OTOP3: variants seen among roughly 807,000 people sequenced by gnomAD.
The protein encoded by OTOP3 is otopetrin 3.
Under a neutral mutation model 50.8 loss-of-function variants are expected in OTOP3, and 41 were observed. That is an observed-to-expected ratio of 0.81 (90% CI 0.63 to 1.05). The LOEUF is 1.05. OTOP3 is among the 50% of genes least tolerant of loss of function. The probability of loss-of-function intolerance (pLI) is 0.00; values close to 1 mark genes in which losing one functional copy is unlikely to be tolerated. For synonymous variants in OTOP3, 320 were observed against 324.4 expected, an observed-to-expected ratio of 0.99 and a Z score of 0.14; for missense variants, 788 against 760.8, an observed-to-expected ratio of 1.04 and a Z score of -0.42.
Position 74,949,480 on chromosome 17 carries a change from T to C in OTOP3, c.*64T>C. Reference sequence around the variant, plus strand: ...GGGGAAGATGGTAGCCCAGAGTCTCTGAGCAGATGCCTCATTCTGAGGTGC... The same window carrying C: ...GGGGAAGATGGTAGCCCAGAGTCTCCGAGCAGATGCCTCATTCTGAGGTGC... On this transcript the variant is annotated 3_prime_UTR_variant, in exon 7 of 7. Transcript: ENST00000328801. The C allele has an allele frequency of 2.0e-5, 32 of 1,563,034 alleles. No individual in the cohort carries two copies. The highest frequency in any genetic ancestry group is 2.8e-5 in the Non-Finnish European group (32 of 1,149,910).
intron 5 of OTOP3, 132 bp from the exon 6 acceptor site, chr17:74,946,529 A>C (rs1037336335): frequency 1.5e-5 from 11 of 721,688 alleles, no homozygotes; most frequent in Non-Finnish European, 2.4e-5. Flanking sequence ...CAGTTTCCAC[A>C]TTGGTAAAAT....
chr17:74,944,822 G>A (rs2039210439), intron 5 of OTOP3, among the ~76,000 whole-genome samples: 1 of 152,036 alleles, frequency 6.6e-6, no homozygotes, highest in African/African-American at 2.4e-5. Context: ...CCATCATCTA[G>A]GCATAATAAT....
rs764330760 is a variant in OTOP3, at chr17:74,947,412, C to G, written c.1503C>G (p.His501Gln). The change falls in exon 6 of 7, where the codon CAC becomes CAG. Residue 501 changes from histidine (H) to glutamine (Q), a missense_variant. Transcript: ENST00000328801. The stretch of plus-strand genomic sequence containing the variant: ...TGGCCTACATCCACTCCTACAGCCA[C>G]CTCAACTGGAAGCGGAGGGCACTCA... ...ASLAYIHSYSHLNWKRRALKE... is the reference protein window; with the variant it reads ...ASLAYIHSYSQLNWKRRALKE... 3 of 1,612,448 alleles carry G rather than the reference C, an allele frequency of 1.9e-6. No homozygotes were observed. In the African/African-American group the frequency reaches 4.0e-5, roughly 22 times the overall value.
In OTOP3 at chr17:74,949,354, CTG is replaced by C; in HGVS notation, c.1676_1677del (p.Leu559ArgfsTer67). On this transcript the variant is annotated frameshift_variant, in exon 7 of 7. Coordinates refer to ENST00000328801, the MANE Select transcript of OTOP3 (RefSeq NM_001272005.2). LOFTEE classifies it high-confidence loss of function. ...CGCCATCGTCAACTTCGGCCTGCCTCTGGGGGTCTTCTACCGCATGCACTCTG... is the reference window on the plus strand; with the variant it reads ...CGCCATCGTCAACTTCGGCCTGCCTCGGGGTCTTCTACCGCATGCACTCTG... ...WFAIVNFGLP[L>X]GVFYRMHSVG... 6.2e-7 allele frequency: 1 copy of C among 1,614,082 alleles called. No individual in the cohort carries two copies. Among genetic ancestry groups the C allele is most frequent in the Non-Finnish European group, 8.5e-7 (1 of 1,180,004 alleles).
chr17:74,941,322 G>T, intron 1 of OTOP3, 71 bp from the exon 2 acceptor site: 1 of 1,420,772 alleles, frequency 7.0e-7, no homozygotes, highest in Non-Finnish European at 9.3e-7. Flanking sequence ...GTCACACAGC[G>T]GTTAGGGGCA....
rs2039264181 is a variant in OTOP3 at position 74,949,599 on chromosome 17, C to CT, written c.*184dup. On this transcript the variant is annotated 3_prime_UTR_variant, in exon 7 of 7. Coordinates refer to ENST00000328801, the MANE Select transcript of OTOP3 (RefSeq NM_001272005.2). ...AGAGCCAGAGGCCAACAGCAGGGGC[C>CT]TGGACACTGAGCTTCTGATGCCCAC... The CT allele has an allele frequency of 1.5e-6, 1 of 677,210 alleles. No homozygotes were observed. The highest frequency in any genetic ancestry group is 2.4e-6 in the Non-Finnish European group (1 of 414,696). The allele number at this position is 677,210 out of a possible 1,614,324, so 42.0% of individuals were successfully genotyped here.
chr17:74,945,739 G>A (rs1402301451), intron 5 of OTOP3, among the ~76,000 whole-genome samples: 1 of 152,126 alleles, frequency 6.6e-6, no homozygotes. Context: ...AGTAATCTGT[G>A]GAGGTGACAT....
Position 74,946,914 on chromosome 17 carries a change from C to T in OTOP3, c.1005C>T (p.Cys335=), listed in dbSNP as rs758257452. The T allele has an allele frequency of 3.0e-5, 48 of 1,611,974 alleles. No individual in the cohort carries two copies. The highest frequency in any genetic ancestry group is 7.7e-5 in the South Asian group (7 of 91,096). ...LGLLVLLAGV[C]VFVLFQIEAS... ...TGCTGGTGCTGCTGGCAGGTGTGTGCGTCTTTGTGCTCTTCCAAATCGAGG... is the reference window on the plus strand; with the variant it reads ...TGCTGGTGCTGCTGGCAGGTGTGTGTGTCTTTGTGCTCTTCCAAATCGAGG... Residue 335 remains cysteine, a synonymous_variant, in exon 6 of 7, where the codon TGC becomes TGT. Transcript: ENST00000328801.
At position 74,941,479 on chromosome 17, in the gene OTOP3, G is replaced by A. The variant is rs1317302295; in HGVS notation, c.106G>A (p.Ala36Thr). ...GAAGGAGAACCGAGTGGATGTGGGG[G>A]CCGAGGAGAGAGCGGCCGCCACCCG... The part of the protein sequence containing the change: ...PEKENRVDVG[A>T]EERAAATRPR... Residue 36 changes from alanine to threonine, a missense_variant, in exon 2 of 7, where the codon GCC (alanine) becomes ACC (threonine). Transcript: ENST00000328801. 8 of 1,610,548 alleles carry A rather than the reference G, an allele frequency of 5.0e-6. No homozygotes were observed. In the Admixed American group the frequency reaches 5.0e-5, roughly 10 times the overall value.
In OTOP3 at chr17:74,946,899, G is replaced by A. The variant is rs752141946; in HGVS notation, c.990G>A (p.Leu330=). Residue 330 remains leucine, a synonymous_variant, in exon 6 of 7, where the codon CTG becomes CTA. Transcript: ENST00000328801. ...IFGPLLGLLV[L]LAGVCVFVLF... ...GGCCGCTGCTGGGCCTGCTGGTGCT[G>A]CTGGCAGGTGTGTGCGTCTTTGTGC... 2.5e-6 allele frequency: 4 copies of A among 1,611,732 alleles called. No homozygotes were observed. Among genetic ancestry groups the A allele is most frequent in the South Asian group, 1.1e-5 (1 of 91,092 alleles).
At chr17:74,948,761 C>T (rs375121777) in intron 6 of OTOP3, among the ~76,000 whole-genome samples, 12 of 152,204 alleles carry the variant, frequency 7.9e-5, no homozygotes, top group African/African-American at 2.9e-4. Flanking sequence ...TCACTTGAGC[C>T]CGGGAGGTTG....
chr17:74,946,112 G>A (rs1039580294), intron 5 of OTOP3, among the ~76,000 whole-genome samples: 3 of 152,106 alleles, frequency 2.0e-5, no homozygotes, highest in African/African-American at 7.2e-5. Flanking sequence ...CGAGTAGCTG[G>A]GATTACAGGC....
intron 3 of OTOP3, among the ~76,000 whole-genome samples, chr17:74,943,045 C>T (rs1001720468): frequency 6.6e-6 from 1 of 152,230 alleles, no homozygotes; most frequent in African/African-American, 2.4e-5. Context: ...TTTCCCCCAA[C>T]AAGAAAGCAC....
intron 1 of OTOP3, 125 bp downstream of exon 1, chr17:74,936,065 G>T: frequency 1.4e-6 from 2 of 1,442,192 alleles, no homozygotes; most frequent in Non-Finnish European, 1.9e-6. Flanking sequence ...GGAAAGCGGG[G>T]TGACTGTGGA....
chr17:74,949,522 CT>C lies in OTOP3; in HGVS notation c.*107del. On this transcript the variant is annotated 3_prime_UTR_variant, in exon 7 of 7. Transcript: ENST00000328801. ...CTGAGGTGCCGAGACCAGCCTGAGGCTCTCAAGGCCTCCTGCTCCCCAGAGC... is the reference window on the plus strand; with the variant it reads ...CTGAGGTGCCGAGACCAGCCTGAGGCCTCAAGGCCTCCTGCTCCCCAGAGC... 1 of 1,278,450 alleles carries C rather than the reference CT, an allele frequency of 7.8e-7. No individual in the cohort carries two copies. The highest frequency in any genetic ancestry group is 1.1e-6 in the Non-Finnish European group (1 of 936,734). The allele number at this position is 1,278,450 out of a possible 1,614,324, so 79.2% of individuals were successfully genotyped here.
chr17:74,946,760 T>TGTA lies in OTOP3; in HGVS notation c.851_852insGTA (p.Leu284_Ile285insTyr). 6.2e-7 allele frequency: 1 copy of TGTA among 1,613,126 alleles called. No individual in the cohort carries two copies. The highest frequency in any genetic ancestry group is 8.5e-7 in the Non-Finnish European group (1 of 1,180,046). ...TACCCCTTCAGCACTGAGTACTGCC[T>TGTA]CATCTGCTGTGCTGTGCTGTTTGTC... On this transcript the variant is annotated inframe_insertion, in exon 6 of 7. Coordinates refer to ENST00000328801, the MANE Select transcript of OTOP3 (RefSeq NM_001272005.2).
intron 1 of OTOP3, among the ~76,000 whole-genome samples, chr17:74,937,326 T>C (rs2039129300): frequency 6.6e-6 from 1 of 152,124 alleles, no homozygotes; most frequent in African/African-American, 2.4e-5. Flanking sequence ...TAGTTGTATA[T>C]CAGTTTTGCA....
intron 5 of OTOP3, among the ~76,000 whole-genome samples, chr17:74,944,526 G>A (rs1024343596): frequency 6.6e-6 from 1 of 152,226 alleles, no homozygotes; most frequent in African/African-American, 2.4e-5. Flanking sequence ...GGAGGCCGAG[G>A]CAGGCAGATC....
In OTOP3 at chr17:74,946,689, C is replaced by A; in HGVS notation, c.780C>A (p.Leu260=). ...TGNETNTCLC[L]NATACEAFRR... ...ATGAGACCAACACCTGTCTGTGCCT[C>A]AATGCCACCGCGTGTGAAGCTTTCC... is the stretch of plus-strand genomic sequence containing the variant. Residue 260 remains leucine, a synonymous_variant, in exon 6 of 7, where the codon CTC becomes CTA. Coordinates refer to ENST00000328801, the MANE Select transcript of OTOP3 (RefSeq NM_001272005.2). The A allele has an allele frequency of 6.2e-7, 1 of 1,611,872 alleles. No homozygotes were observed.
Sources: allele counts gnomAD v4.1 joint callset (sites outside exome capture counted in the v4.1 genomes callset), GRCh38; gene constraint gnomAD v4.1.1; transcripts MANE v1.5; gene names NCBI Gene and HGNC (gene_info 2026-07-23, HGNC 2026-07-21).